The following XIAP variants were observed in gnomAD, a reference collection of about 807,000 sequenced individuals.
XIAP encodes the protein E3 ubiquitin-protein ligase XIAP.
XIAP carries 3 observed loss-of-function variants against 33.1 expected under a neutral mutation model. That is an observed-to-expected ratio of 0.09 (90% CI 0.04 to 0.23). XIAP has a LOEUF of 0.23. XIAP is among the 10% of genes least tolerant of loss of function. XIAP has a pLI of 1.00. For synonymous variants in XIAP, 98 were observed against 121.3 expected, an observed-to-expected ratio of 0.81 and a Z score of 1.26; for missense variants, 264 against 363.0, an observed-to-expected ratio of 0.73 and a Z score of 2.22.
chrX:123,862,908 C>T (rs1433347594), intron 1 of XIAP, among the ~76,000 whole-genome samples: 2 of 107,203 alleles, frequency 1.9e-5, no homozygotes, highest in East Asian at 2.9e-4. Context: ...GGCAACATGG[C>T]GCAGCCCTCT....
chrX:123,902,375 G>A (rs1383379981), intron 6 of XIAP, among the ~76,000 whole-genome samples: 2 of 111,542 alleles, frequency 1.8e-5, no homozygotes, highest in African/African-American at 6.5e-5. Flanking sequence ...ATTGATACAG[G>A]CTCTCTACTC....
chrX:123,913,730 C>T lies in XIAP; in HGVS notation c.*6549C>T, dbSNP rs193060081. ...GTTAGATTTTGCATTTTTTTCATTA[C>T]TGTTATATTTTAACCTGACTGACTG... On this transcript the variant is annotated 3_prime_UTR_variant, in exon 7 of 7. Transcript: ENST00000371199. The T allele has an allele frequency of 3.7e-3, 1,192 of 321,540 alleles. 2 individuals carry two copies. The highest frequency in any genetic ancestry group is 5.2e-3 in the Non-Finnish European group (876 of 168,033). The allele number at this position is 321,540 out of a possible 1,213,427, so 26.5% of individuals were successfully genotyped here. A position where few individuals can be genotyped will look rare whatever the true frequency, so the allele number is the denominator to read the frequency against.
At chrX:123,896,927 A>ATTTT (rs55979065) in intron 5 of XIAP, among the ~76,000 whole-genome samples, 1 of 75,287 alleles carries the variant, frequency 1.3e-5, no homozygotes, top group Non-Finnish European at 2.5e-5. Flanking sequence ...AACGTCTTTA[A>ATTTT]TTTTTTTTTT....
rs756979544 is a variant in XIAP, at chrX:123,910,356, T to A, written c.*3175T>A. On this transcript the variant is annotated 3_prime_UTR_variant, in exon 7 of 7. Coordinates refer to ENST00000371199, the MANE Select transcript of XIAP (RefSeq NM_001167.4). The stretch of plus-strand genomic sequence containing the variant: ...TATTTTTGTTGTTATATTATTTACA[T>A]TTCAGTAGTTGTTTTTTGTGTTTCC... 3.3e-5 allele frequency: 11 copies of A among 329,463 alleles called. No individual in the cohort carries two copies. The highest frequency in any genetic ancestry group is 2.9e-4 in the South Asian group (11 of 38,431). The allele number at this position is 329,463 out of a possible 1,213,427, so 27.2% of individuals were successfully genotyped here.
At position 123,907,295 on chromosome X, in the gene XIAP, GA is replaced by G. The variant is rs28382741; in HGVS notation, c.*122del. 145 of 664,583 alleles carry G rather than the reference GA, an allele frequency of 2.2e-4. No individual in the cohort carries two copies. The East Asian group carries it at 4.3e-3, about 19-fold the overall frequency. 54.8% of individuals were successfully genotyped at this position (664,583 alleles called of 1,213,427 possible). A position where few individuals can be genotyped will look rare whatever the true frequency, so the allele number is the denominator to read the frequency against. On this transcript the variant is annotated 3_prime_UTR_variant, in exon 7 of 7. Coordinates refer to ENST00000371199, the MANE Select transcript of XIAP (RefSeq NM_001167.4). Reference sequence around the variant, plus strand: ...TCCATTAGCATTTGCTACCAAGTAGGAAAAAAAATGTACATGGCAGTGTTTT... The same window carrying G: ...TCCATTAGCATTTGCTACCAAGTAGGAAAAAAATGTACATGGCAGTGTTTT...
intron 4 of XIAP, among the ~76,000 whole-genome samples, chrX:123,892,085 G>A (rs1462416702): frequency 8.1e-5 from 9 of 111,617 alleles, no homozygotes; most frequent in Non-Finnish European, 1.1e-4. Flanking sequence ...TAGGATGGGC[G>A]CTGGGCACGG....
At chrX:123,874,218 G>A (rs2053221394) in intron 1 of XIAP, among the ~76,000 whole-genome samples, 1 of 111,692 alleles carries the variant, frequency 9.0e-6, no homozygotes, top group African/African-American at 3.3e-5. Flanking sequence ...GTACAAGGGT[G>A]CCTGACTAAT....
intron 1 of XIAP, among the ~76,000 whole-genome samples, chrX:123,864,455 GTTTTTTTTTTT>G (rs1162636021): frequency 8.1e-5 from 4 of 49,589 alleles, no homozygotes; most frequent in African/African-American, 1.7e-4. Context: ...CCTTTCTTCT[GTTTTTTTTTTT>G]TTTTTTTTTT....
rs1464454194 is a variant in XIAP, at chrX:123,909,525, T to C, written c.*2344T>C. 9.2e-6 allele frequency: 3 copies of C among 326,855 alleles called. No homozygotes were observed. Among genetic ancestry groups the C allele is most frequent in the Non-Finnish European group, 1.8e-5 (3 of 169,437 alleles). The allele number at this position is 326,855 out of a possible 1,213,427, so 26.9% of individuals were successfully genotyped here. On this transcript the variant is annotated 3_prime_UTR_variant, in exon 7 of 7. Transcript: ENST00000371199. ...GTTTTCTACAAGGGGAGAAAAGTGTTAAAATTTTTAAAATATGTTTTCCAG... is the reference window on the plus strand; with the variant it reads ...GTTTTCTACAAGGGGAGAAAAGTGTCAAAATTTTTAAAATATGTTTTCCAG...
intron 1 of XIAP, among the ~76,000 whole-genome samples, chrX:123,871,298 C>T (rs189487139): frequency 2.4e-4 from 27 of 110,923 alleles, no homozygotes. Context: ...AAGAATACTT[C>T]GTTCTGAGAA....
At chrX:123,860,434 T>TGGCCC (rs749263812) in intron 1 of XIAP, 141 bp downstream of exon 1, 2 of 267,559 alleles carry the variant, frequency 7.5e-6, no homozygotes, top group Non-Finnish European at 1.4e-5. Flanking sequence ...CCATCAGGGG[T>TGGCCC]GGCCCGGCCC....
chrX:123,860,460 G>T (rs920262092), intron 1 of XIAP, 167 bp downstream of exon 1: 2 of 260,165 alleles, frequency 7.7e-6, no homozygotes, highest in African/African-American at 2.8e-5. Flanking sequence ...GCTTGCCCGG[G>T]TTCCTCGGAC....
intron 5 of XIAP, among the ~76,000 whole-genome samples, chrX:123,896,077 C>A (rs748598958): frequency 8.5e-4 from 73 of 85,882 alleles, no homozygotes; most frequent in Middle Eastern, 0.01. Flanking sequence ...TTTATTTTTT[C>A]TTTTTTTTGA....
chrX:123,877,264 G>A (rs1159916217), intron 1 of XIAP, among the ~76,000 whole-genome samples: 13 of 110,651 alleles, frequency 1.2e-4, no homozygotes, highest in Admixed American at 1.2e-3. Flanking sequence ...TGGGGTTTTC[G>A]CCATGTTGGC....
intron 3 of XIAP, among the ~76,000 whole-genome samples, chrX:123,890,866 G>A (rs1171229670): frequency 1.9e-5 from 2 of 107,800 alleles, no homozygotes; most frequent in African/African-American, 3.4e-5. Flanking sequence ...GCTTGAACCC[G>A]GAAGGCTAAT....
intron 1 of XIAP, among the ~76,000 whole-genome samples, chrX:123,871,272 T>C (rs997101455): frequency 1.7e-5 from 1 of 59,236 alleles, no homozygotes; most frequent in African/African-American, 1.0e-4. Context: ...AGACCCCATC[T>C]CTTAAAGAAA....
intron 3 of XIAP, among the ~76,000 whole-genome samples, chrX:123,890,831 C>G (rs1303678415): frequency 9.3e-6 from 1 of 107,280 alleles, no homozygotes; most frequent in African/African-American, 3.4e-5. Flanking sequence ...ATCCCAGCTA[C>G]TCAGGAGGCT....
rs987091567 is a variant in XIAP at position 123,868,024 on chromosome X, A to G, written c.-33+7731A>G. 7.2e-5 allele frequency among the ~76,000 whole-genome samples: 8 copies of G among 111,369 alleles called. No individual in the cohort carries two copies. In the Admixed American group the frequency reaches 7.8e-4, roughly 11 times the overall value. ...TTATTTATCCAGTGTATTATTTTAT[A>G]CTGCACTTTCTTCATCTGTAAAGTA... On this transcript the variant is annotated intron_variant, in intron 1 of 6. Transcript: ENST00000371199.
chrX:123,899,119 CAAAAA>C (rs1187328706), intron 5 of XIAP, among the ~76,000 whole-genome samples: 5 of 7,219 alleles, frequency 6.9e-4, no homozygotes, highest in Admixed American at 3.5e-3. Flanking sequence ...GACTACGTCT[CAAAAA>C]AAAAAAAAAA....
Sources: allele counts gnomAD v4.1 joint callset (sites outside exome capture counted in the v4.1 genomes callset), GRCh38; gene constraint gnomAD v4.1.1; transcripts MANE v1.5; gene names NCBI Gene and HGNC (gene_info 2026-07-23, HGNC 2026-07-21).